The following FSTL4 variants were observed in gnomAD, a reference collection of about 807,000 sequenced individuals.
FSTL4 encodes the protein follistatin-related protein 4.
Under a neutral mutation model 78.2 loss-of-function variants are expected in FSTL4, and 28 were observed. That is an observed-to-expected ratio of 0.36 (90% CI 0.27 to 0.49). FSTL4 has a LOEUF of 0.49. FSTL4 is among the 20% of genes least tolerant of loss of function. FSTL4 has a pLI of 0.98. For missense variants in FSTL4, 922 were observed against 1,084.9 expected (o/e 0.85, Z 2.11); for synonymous variants, 422 against 440.5 (o/e 0.96, Z 0.53).
chr5:133,583,700 G>A (rs1760488394), intron 2 of FSTL4: 1 of 32,694 alleles, frequency 3.1e-5, no homozygotes, highest in African/African-American at 1.1e-4. Context: ...CAAACTGCAA[G>A]GCGGCAACGA....
chr5:133,633,438 A>G, the FSTL4 span, among the ~76,000 whole-genome samples: 1 of 152,016 alleles, frequency 6.6e-6, no homozygotes, highest in Non-Finnish European at 1.5e-5. Context: ...TTGTTCCTGT[A>G]TCTTTCAGCT....
intron 3 of FSTL4, among the ~76,000 whole-genome samples, chr5:133,412,632 A>C (rs1267991813): frequency 6.6e-6 from 1 of 152,188 alleles, no homozygotes; most frequent in Non-Finnish European, 1.5e-5. Flanking sequence ...CCATTCATTT[A>C]AAGAAAAAGA....
At chr5:133,348,342 G>T (rs1362302587) in intron 4 of FSTL4, among the ~76,000 whole-genome samples, 1 of 152,250 alleles carries the variant, frequency 6.6e-6, no homozygotes, top group Non-Finnish European at 1.5e-5. Flanking sequence ...GGGAGAATGT[G>T]TAGGAATTTC....
At chr5:133,441,474 T>C (rs751486585) in intron 3 of FSTL4, among the ~76,000 whole-genome samples, 2 of 149,896 alleles carry the variant, frequency 1.3e-5, no homozygotes, top group African/African-American at 5.1e-5. Flanking sequence ...TTAGTGCAGA[T>C]AGGCAAACTG....
In FSTL4 at chr5:133,197,923, G is replaced by C. The variant is rs1379913704; in HGVS notation, c.*1172C>G. On this transcript the variant is annotated 3_prime_UTR_variant, in exon 16 of 16. Transcript: ENST00000265342. ...GCCAGCCTGTGGCCTTCTGTTCTGG[G>C]TTCTGCAGTGTGTGTGTATTGATTG... 2.0e-5 allele frequency: 3 copies of C among 152,624 alleles called. No individual in the cohort carries two copies. The highest frequency in any genetic ancestry group is 4.8e-5 in the African/African-American group (2 of 41,436). 9.5% of individuals were successfully genotyped at this position (152,624 alleles called of 1,614,324 possible). A position where few individuals can be genotyped will look rare whatever the true frequency, so the allele number is the denominator to read the frequency against.
At chr5:133,280,488 A>T (rs576918483) in intron 6 of FSTL4, among the ~76,000 whole-genome samples, 12 of 152,238 alleles carry the variant, frequency 7.9e-5, no homozygotes, top group African/African-American at 2.6e-4. Context: ...GGGTGTGCAG[A>T]TGAGGCATAA....
the FSTL4 span, among the ~76,000 whole-genome samples, chr5:133,797,506 T>C: frequency 2.0e-5 from 3 of 152,234 alleles, no homozygotes; most frequent in East Asian, 1.9e-4. Context: ...AGGATCTCTA[T>C]TTTAGCATTA....
In FSTL4 at chr5:133,338,159, G is replaced by A. The variant is rs980655813; in HGVS notation, c.410-21507C>T. 2.6e-5 allele frequency among the ~76,000 whole-genome samples: 4 copies of A among 152,192 alleles called. No homozygotes were observed. The highest frequency in any genetic ancestry group is 6.5e-5 in the Admixed American group (1 of 15,284). On this transcript the variant is annotated intron_variant, in intron 4 of 15. Transcript: ENST00000265342. The surrounding 1 kb of genome is among the most constrained non-coding windows in gnomAD (Gnocchi z 4.0). The stretch of plus-strand genomic sequence containing the variant: ...AGATGTCTGATTGGCAGGTGTAAAT[G>A]TCGATTGAGTCATGTTTCTAGATGA...
intron 6 of FSTL4, among the ~76,000 whole-genome samples, chr5:133,282,252 C>T (rs1753026843): frequency 6.6e-6 from 1 of 152,088 alleles, no homozygotes; most frequent in Non-Finnish European, 1.5e-5. Context: ...AGTATGTGCC[C>T]TTCTGTGGGC....
chr5:133,388,248 C>CT (rs1355522205), intron 4 of FSTL4, among the ~76,000 whole-genome samples: 3 of 152,184 alleles, frequency 2.0e-5, no homozygotes, highest in Non-Finnish European at 2.9e-5. Context: ...TCATCTTTCA[C>CT]TTTTTTTCCC....
intron 6 of FSTL4, among the ~76,000 whole-genome samples, chr5:133,265,790 A>G (rs1208698852): frequency 6.6e-6 from 1 of 152,008 alleles, no homozygotes; most frequent in African/African-American, 2.4e-5. Context: ...GATGCCACTG[A>G]CAGGCCTGTC....
chr5:133,606,950 T>C (rs1443456969), intron 1 of FSTL4, among the ~76,000 whole-genome samples: 1 of 152,246 alleles, frequency 6.6e-6, no homozygotes, highest in African/African-American at 2.4e-5. Context: ...TGCTGGTTTC[T>C]GGGTTGTGTT....
At chr5:133,838,253 C>T in the FSTL4 span, among the ~76,000 whole-genome samples, 1 of 152,190 alleles carries the variant, frequency 6.6e-6, no homozygotes, top group African/African-American at 2.4e-5. Context: ...GATAGCTTTC[C>T]GAAGACTTCA....
chr5:133,828,962 C>T, the FSTL4 span, among the ~76,000 whole-genome samples: 1 of 152,176 alleles, frequency 6.6e-6, no homozygotes, highest in Non-Finnish European at 1.5e-5. Context: ...AGCGGGCAGG[C>T]AGCCTCACCA....
intron 8 of FSTL4, among the ~76,000 whole-genome samples, chr5:133,227,838 T>C (rs72803109): frequency 6.6e-6 from 1 of 152,024 alleles, no homozygotes; most frequent in Non-Finnish European, 1.5e-5. Flanking sequence ...AATAAAAAAA[T>C]AGAAAAAGAA....
At chr5:133,517,479 C>CACACACACA in intron 3 of FSTL4, among the ~76,000 whole-genome samples, 1 of 55,550 alleles carries the variant, frequency 1.8e-5, no homozygotes, top group East Asian at 7.8e-4. Flanking sequence ...CACACACACA[C>CACACACACA]CACACACACA....
chr5:133,506,007 C>T (rs532417461), intron 3 of FSTL4, among the ~76,000 whole-genome samples: 1 of 152,320 alleles, frequency 6.6e-6, no homozygotes, highest in Admixed American at 6.5e-5. Context: ...GGCAAGTAGG[C>T]TGCCTGCCAA....
At chr5:133,664,003 G>A in the FSTL4 span, among the ~76,000 whole-genome samples, 910 of 152,182 alleles carry the variant, frequency 6.0e-3, 18 homozygotes, top group African/African-American at 0.021. Context: ...AAGAGCTGTT[G>A]AATGGGAGAC....
chr5:133,640,951 A>T, the FSTL4 span, among the ~76,000 whole-genome samples: 2 of 152,220 alleles, frequency 1.3e-5, no homozygotes, highest in Admixed American at 1.3e-4. Context: ...AAAGTCCAAA[A>T]GGAGTATTGG....
Sources: allele counts gnomAD v4.1 joint callset (sites outside exome capture counted in the v4.1 genomes callset), GRCh38; gene constraint gnomAD v4.1.1; non-coding constraint Gnocchi (gnomAD v3.1); transcripts MANE v1.5; gene names NCBI Gene and HGNC (gene_info 2026-07-23, HGNC 2026-07-21).